Variants in ENAM observed in about 807,000 individuals in gnomAD.
ENAM encodes amelogenesis imperfecta 2, hypocalcification (autosomal dominant).
ENAM carries 21 observed loss-of-function variants against 33.6 expected under a neutral mutation model. The observed-to-expected ratio is 0.63, with a 90% CI of 0.44 to 0.90. ENAM has a LOEUF of 0.90. ENAM is among the 40% of genes least tolerant of loss of function. The pLI is 0.00. For missense variants in ENAM, 1,388 were observed against 1,366.9 expected, an observed-to-expected ratio of 1.02 and a Z score of -0.24; for synonymous variants, 473 against 468.4, an observed-to-expected ratio of 1.01 and a Z score of -0.13.
rs1247344649 is a variant in ENAM, at chr4:70,643,067, A to T, written c.1641A>T (p.Val547=). The change falls in exon 9 of 9, where the codon GTA becomes GTT. Residue 547 remains valine (V), a synonymous_variant. Transcript: ENST00000396073. ...ELKHSSYQPA[V]YPEEIPSPAK... ...AGCACAGCTCATATCAGCCTGCTGT[A>T]TACCCTGAGGAAATCCCTTCTCCTG... The T allele has an allele frequency of 6.2e-7, 1 of 1,614,086 alleles. No homozygotes were observed. The highest frequency in any genetic ancestry group is 8.5e-7 in the Non-Finnish European group (1 of 1,179,994).
At chr4:70,641,691 A>G (rs1738601274) in intron 8 of ENAM, among the ~76,000 whole-genome samples, 1 of 152,156 alleles carries the variant, frequency 6.6e-6, no homozygotes, top group Admixed American at 6.5e-5. Flanking sequence ...TAAAAGAGGT[A>G]TGTAAAAACA....
chr4:70,630,285 A>G (rs1030911472), intron 2 of ENAM, among the ~76,000 whole-genome samples: 1 of 152,242 alleles, frequency 6.6e-6, no homozygotes, highest in Non-Finnish European at 1.5e-5. Context: ...TCCTATAGGA[A>G]GTAAACAGAA....
chr4:70,643,958 A>C lies in ENAM; in HGVS notation c.2532A>C (p.Glu844Asp), dbSNP rs1184292372. The C allele has an allele frequency of 1.2e-6, 2 of 1,614,136 alleles. No homozygotes were observed. The highest frequency in any genetic ancestry group is 1.7e-6 in the Non-Finnish European group (2 of 1,179,986). The change falls in exon 9 of 9, where the codon GAA (glutamate) becomes GAC (aspartate). Residue 844 changes from glutamate to aspartate, a missense_variant. Transcript: ENST00000396073. ...QITRMNSPEREHSSFPNFIPP... is the reference protein window; with the variant it reads ...QITRMNSPERDHSSFPNFIPP... ...CTAGGATGAATTCTCCAGAGAGAGA[A>C]CATTCATCTTTCCCTAACTTCATCC... is the stretch of plus-strand genomic sequence containing the variant.
chr4:70,636,318 T>A (rs1186481910), intron 7 of ENAM, among the ~76,000 whole-genome samples: 1 of 152,122 alleles, frequency 6.6e-6, no homozygotes, highest in Non-Finnish European at 1.5e-5. Flanking sequence ...TCTTACTGTT[T>A]CTAGCCACAG....
At position 70,644,807 on chromosome 4, in the gene ENAM, G is replaced by C. The variant is rs757914155; in HGVS notation, c.3381G>C (p.Gly1127=). ...GTCCATTTGAATTCCTTCAAAGAGGGACCAATGTACAGGACCAGGTACAAG... is the reference window on the plus strand; with the variant it reads ...GTCCATTTGAATTCCTTCAAAGAGGCACCAATGTACAGGACCAGGTACAAG... The part of the protein sequence containing the change: ...EHSPFEFLQR[G]TNVQDQVQDC... Residue 1127 remains glycine, a synonymous_variant, in exon 9 of 9, where the codon GGG becomes GGC. Transcript: ENST00000396073. 6.2e-7 allele frequency: 1 copy of C among 1,614,126 alleles called. No homozygotes were observed. Among genetic ancestry groups the C allele is most frequent in the Non-Finnish European group, 8.5e-7 (1 of 1,179,988 alleles).
At position 70,643,762 on chromosome 4, in the gene ENAM, G is replaced by A; in HGVS notation, c.2336G>A (p.Arg779Lys). ...CAAGCCCAAGGGCAGAGAGAAAGAA[G>A]GCCGTATTTTAACAGAAATATCTGG... ...RIQAQGQRERRPYFNRNIWDQ... is the reference protein window; with the variant it reads ...RIQAQGQRERKPYFNRNIWDQ... The change falls in exon 9 of 9, where the codon AGG becomes AAG. Residue 779 changes from arginine (R) to lysine (K), a missense_variant. Arg to Lys is a conservative substitution (Grantham distance 26). Coordinates refer to ENST00000396073, the MANE Select transcript of ENAM (RefSeq NM_031889.3). The A allele has an allele frequency of 1.2e-6, 2 of 1,614,150 alleles. No homozygotes were observed. The highest frequency in any genetic ancestry group is 1.7e-6 in the Non-Finnish European group (2 of 1,180,012).
At chr4:70,631,308 T>C (rs760737557) in intron 2 of ENAM, among the ~76,000 whole-genome samples, 10 of 152,164 alleles carry the variant, frequency 6.6e-5, no homozygotes, top group Admixed American at 1.3e-4. Flanking sequence ...CTCAAACCCA[T>C]TAATATTCCT....
intron 8 of ENAM, among the ~76,000 whole-genome samples, chr4:70,641,423 C>T (rs2148522466): frequency 6.8e-6 from 1 of 146,070 alleles, no homozygotes; most frequent in Non-Finnish European, 1.5e-5. Flanking sequence ...TGGAGTCTCG[C>T]TGTTGCCAGG....
At chr4:70,637,158 G>A (rs185458873) in intron 7 of ENAM, among the ~76,000 whole-genome samples, 3 of 152,290 alleles carry the variant, frequency 2.0e-5, no homozygotes, top group African/African-American at 7.2e-5. Context: ...ACAAGGTAAA[G>A]ATTTTAAAAA....
chr4:70,643,315 TG>T lies in ENAM; in HGVS notation c.1893del (p.Gln632LysfsTer9). On this transcript the variant is annotated frameshift_variant, in exon 9 of 9. Coordinates refer to ENST00000396073, the MANE Select transcript of ENAM (RefSeq NM_031889.3). LOFTEE classifies it low-confidence loss of function (END_TRUNC). Reference sequence around the variant, plus strand: ...GAGAGAGATGATTCTCCCAATACTATGGGGCAAAAAGAAAGTCCACTCTACC... The same window carrying T: ...GAGAGAGATGATTCTCCCAATACTATGGGCAAAAAGAAAGTCCACTCTACC... ...WDERDDSPNTMGQKESPLYPI... is the reference protein window; with the variant it reads ...WDERDDSPNTXGQKESPLYPI... 6.2e-7 allele frequency: 1 copy of T among 1,613,838 alleles called. No homozygotes were observed. Among genetic ancestry groups the T allele is most frequent in the Non-Finnish European group, 8.5e-7 (1 of 1,179,918 alleles).
intron 7 of ENAM, among the ~76,000 whole-genome samples, chr4:70,636,278 G>T (rs1416520957): frequency 6.6e-6 from 1 of 152,068 alleles, no homozygotes; most frequent in Non-Finnish European, 1.5e-5. Flanking sequence ...AAAACCACAG[G>T]GTGAGCTATG....
At position 70,642,335 on chromosome 4, in the gene ENAM, A is replaced by G; in HGVS notation, c.909A>G (p.Pro303=). ...PAVNASGQGG[P]GSQIPWRPSQ... is the part of the protein sequence containing the mutation. ...TCAACGCTTCAGGCCAGGGAGGGCC[A>G]GGAAGTCAAATCCCATGGAGACCAA... The change falls in exon 9 of 9, where the codon CCA becomes CCG. Residue 303 remains proline, a synonymous_variant. Coordinates refer to ENST00000396073, the MANE Select transcript of ENAM (RefSeq NM_031889.3). 6.2e-7 allele frequency: 1 copy of G among 1,614,202 alleles called. No homozygotes were observed. Among genetic ancestry groups the G allele is most frequent in the Non-Finnish European group, 8.5e-7 (1 of 1,180,028 alleles).
At chr4:70,636,423 C>T (rs901182352) in intron 7 of ENAM, among the ~76,000 whole-genome samples, 23 of 152,000 alleles carry the variant, frequency 1.5e-4, no homozygotes, top group Non-Finnish European at 2.9e-4. Flanking sequence ...CACTTGAGGT[C>T]AGGAGCTCAA....
intron 6 of ENAM, 92 bp downstream of exon 6, chr4:70,634,660 G>C: frequency 8.3e-7 from 1 of 1,211,668 alleles, no homozygotes; most frequent in Admixed American, 1.7e-5. Flanking sequence ...TTCAATACAG[G>C]TACTCTGTTG....
In ENAM at chr4:70,642,299, A is replaced by C; in HGVS notation, c.873A>C (p.Pro291=). 1 of 1,613,912 alleles carries C rather than the reference A, an allele frequency of 6.2e-7. No individual in the cohort carries two copies. The highest frequency in any genetic ancestry group is 8.5e-7 in the Non-Finnish European group (1 of 1,179,976). Residue 291 remains proline (P), a synonymous_variant, in exon 9 of 9, where the codon CCA becomes CCC. Coordinates refer to ENST00000396073, the MANE Select transcript of ENAM (RefSeq NM_031889.3). The stretch of plus-strand genomic sequence containing the variant: ...CTCCAGCTCAAAATGGGATTGGCCC[A>C]CTCCCTGCAGTCAACGCTTCAGGCC... ...NNPPAQNGIG[P]LPAVNASGQG...
At chr4:70,635,702 T>A in intron 6 of ENAM, 130 bp from the exon 7 acceptor site, 1 of 694,996 alleles carries the variant, frequency 1.4e-6, no homozygotes, top group Non-Finnish European at 2.6e-6. Context: ...CTTTGCCCTA[T>A]AAAAAACACA....
rs376148809 is a variant in ENAM, at chr4:70,643,766, G to A, written c.2340G>A (p.Pro780=). The A allele has an allele frequency of 2.7e-5, 43 of 1,613,996 alleles. 1 individual carries two copies. The highest frequency in any genetic ancestry group is 8.8e-5 in the South Asian group (8 of 91,078). The change falls in exon 9 of 9, where the codon CCG becomes CCA. Residue 780 remains proline, a synonymous_variant. Coordinates refer to ENST00000396073, the MANE Select transcript of ENAM (RefSeq NM_031889.3). The part of the protein sequence containing the change: ...IQAQGQRERR[P]YFNRNIWDQA... ...CCCAAGGGCAGAGAGAAAGAAGGCC[G>A]TATTTTAACAGAAATATCTGGGATC...
intron 7 of ENAM, among the ~76,000 whole-genome samples, chr4:70,636,460 C>G (rs539724070): frequency 6.6e-6 from 1 of 152,152 alleles, no homozygotes; most frequent in African/African-American, 2.4e-5. Flanking sequence ...ATGGTGAAAT[C>G]CCGTCTCTAC....
chr4:70,629,311 A>G (rs1577966838), intron 1 of ENAM, 130 bp from the exon 2 acceptor site: 1 of 609,900 alleles, frequency 1.6e-6, no homozygotes, highest in East Asian at 2.8e-5. Context: ...AAAGCAACAG[A>G]AGATTAAACT....
Sources: gnomAD v4.1 joint callset for allele counts (sites outside exome capture counted in the v4.1 genomes callset) on GRCh38, gnomAD v4.1.1 for gene constraint, MANE v1.5 for transcripts, NCBI Gene and HGNC (gene_info 2026-07-23, HGNC 2026-07-21) for gene names.